Variants in MDGA2 observed in about 807,000 individuals in gnomAD.
MDGA2 encodes the protein MAM domain containing glycosylphosphatidylinositol anchor 2, also known as MAM domain-containing glycosylphosphatidylinositol anchor protein 2.
MDGA2 carries 40 observed loss-of-function variants against 117.8 expected under a neutral mutation model. The observed-to-expected ratio is 0.34, with a 90% CI of 0.26 to 0.44. MDGA2 has a LOEUF of 0.44. MDGA2 is among the 20% of genes least tolerant of loss of function. MDGA2 has a pLI of 1.00. For missense variants in MDGA2, 1,123 were observed against 1,250.6 expected, an observed-to-expected ratio of 0.90 and a Z score of 1.54; for synonymous variants, 452 against 439.0, an observed-to-expected ratio of 1.03 and a Z score of -0.37.
At chr14:46,932,227 C>T (rs961643916) in intron 9 of MDGA2, among the ~76,000 whole-genome samples, 2 of 151,518 alleles carry the variant, frequency 1.3e-5, no homozygotes, top group African/African-American at 4.9e-5. Flanking sequence ...AAAATTATGG[C>T]AACTTCAATT....
intron 10 of MDGA2, among the ~76,000 whole-genome samples, chr14:46,883,990 C>T (rs1882567824): frequency 6.6e-6 from 1 of 151,832 alleles, no homozygotes; most frequent in Non-Finnish European, 1.5e-5. Context: ...GGGCTTTTCT[C>T]CTTTTATTTG....
At chr14:47,218,761 C>CA (rs2139514278) in intron 2 of MDGA2, among the ~76,000 whole-genome samples, 1 of 152,186 alleles carries the variant, frequency 6.6e-6, no homozygotes, top group East Asian at 1.9e-4. Flanking sequence ...AATAAGCCCA[C>CA]AAATGATTTG....
chr14:47,566,347 G>T (rs1263732656), intron 1 of MDGA2, among the ~76,000 whole-genome samples: 1 of 152,164 alleles, frequency 6.6e-6, no homozygotes, highest in Non-Finnish European at 1.5e-5. Context: ...TCCCAGGAGA[G>T]GTCAGCAGAC....
In MDGA2 at chr14:47,112,243, G is replaced by T. The variant is rs535899339; in HGVS notation, c.926-15120C>A. Among the ~76,000 whole-genome samples the T allele has an allele frequency of 1.0e-3, 155 of 152,272 alleles. 1 individual carries two copies. Among genetic ancestry groups the T allele is most frequent in the African/African-American group, 3.5e-3 (144 of 41,570 alleles). On this transcript the variant is annotated intron_variant, in intron 5 of 16. Transcript: ENST00000399232. ...TTTTGCTTATGCTTTTTTAAAAAAT[G>T]TGTTATTTTATTTTAAGTTCTGGGA...
intron 1 of MDGA2, among the ~76,000 whole-genome samples, chr14:47,365,531 A>G (rs1168722708): frequency 1.3e-5 from 2 of 152,274 alleles, no homozygotes; most frequent in Non-Finnish European, 1.5e-5. Flanking sequence ...AAACCTAGGA[A>G]AGGCCTAGAC....
chr14:47,590,954 T>C (rs1021877990), intron 1 of MDGA2, among the ~76,000 whole-genome samples: 2 of 152,110 alleles, frequency 1.3e-5, no homozygotes, highest in African/African-American at 2.4e-5. Context: ...TTTTCTAAAT[T>C]TGATGACTAA....
At chr14:47,057,875 C>T (rs1400375132) in intron 7 of MDGA2, among the ~76,000 whole-genome samples, 1 of 152,060 alleles carries the variant, frequency 6.6e-6, no homozygotes, top group Admixed American at 6.6e-5. Context: ...CTGAGTCAGC[C>T]TCCCAGATTG....
intron 1 of MDGA2, among the ~76,000 whole-genome samples, chr14:47,336,054 G>T (rs373500212): frequency 3.3e-5 from 5 of 151,850 alleles, no homozygotes; most frequent in African/African-American, 9.6e-5. Flanking sequence ...GCCCTAGAAA[G>T]AATTCGATAA....
chr14:47,008,210 A>G (rs757608810), intron 8 of MDGA2, among the ~76,000 whole-genome samples: 30 of 152,004 alleles, frequency 2.0e-4, no homozygotes, highest in African/African-American at 6.7e-4. Flanking sequence ...AAAACGTTTC[A>G]GAGGTCCTCC....
intron 2 of MDGA2, among the ~76,000 whole-genome samples, chr14:47,293,284 A>G (rs1201279367): frequency 1.3e-5 from 2 of 152,206 alleles, no homozygotes; most frequent in Non-Finnish European, 2.9e-5. Flanking sequence ...ATAAGTCCTC[A>G]TGATGTTTAA....
chr14:47,375,327 T>C (rs1003996521), intron 1 of MDGA2, among the ~76,000 whole-genome samples: 1 of 152,014 alleles, frequency 6.6e-6, no homozygotes, highest in African/African-American at 2.4e-5. Context: ...GCCAGCTTTA[T>C]CTTCCTAAAA....
intron 2 of MDGA2, among the ~76,000 whole-genome samples, chr14:47,291,676 C>T (rs116247469): frequency 0.029 from 4,369 of 152,208 alleles, 149 homozygotes; most frequent in East Asian, 0.18. Flanking sequence ...AGCTGAAGCT[C>T]GCTGCCACTG....
intron 9 of MDGA2, among the ~76,000 whole-genome samples, chr14:46,940,446 T>A (rs1039738173): frequency 3.3e-5 from 5 of 151,892 alleles, no homozygotes; most frequent in African/African-American, 1.2e-4. Flanking sequence ...CTGGCCAACA[T>A]GGTGAAACCT....
At chr14:47,090,677 G>C (rs538250703) in intron 6 of MDGA2, among the ~76,000 whole-genome samples, 11 of 152,296 alleles carry the variant, frequency 7.2e-5, no homozygotes, top group Admixed American at 1.3e-4. Context: ...ATACAATAAT[G>C]ATACTGTAGT....
intron 8 of MDGA2, among the ~76,000 whole-genome samples, chr14:46,989,876 C>T (rs1370527189): frequency 6.6e-6 from 1 of 151,938 alleles, no homozygotes. Flanking sequence ...CTTCAACAGC[C>T]CATTTAGTTG....
chr14:47,012,018 G>C (rs78794323), intron 8 of MDGA2, among the ~76,000 whole-genome samples: 1,844 of 151,918 alleles, frequency 0.012, 22 homozygotes, highest in South Asian at 0.023. Flanking sequence ...TTAGCTTTTA[G>C]GCATTTACAT....
At chr14:47,286,824 T>TATATATATATATATAC (rs1491236673) in intron 2 of MDGA2, among the ~76,000 whole-genome samples, 2 of 104,254 alleles carry the variant, frequency 1.9e-5, no homozygotes, top group African/African-American at 6.7e-5. Context: ...TATATATATA[T>TATATATATATATATAC]ACATATATAT....
At chr14:47,242,986 T>G (rs1025423807) in intron 2 of MDGA2, among the ~76,000 whole-genome samples, 5 of 151,738 alleles carry the variant, frequency 3.3e-5, no homozygotes, top group Non-Finnish European at 7.4e-5. Flanking sequence ...TGTGTTTAGC[T>G]CAAGGTTTGT....
In MDGA2 at chr14:46,895,598, C is replaced by T. The variant is rs576472048; in HGVS notation, c.2239-13377G>A. On this transcript the variant is annotated intron_variant, in intron 10 of 16. Coordinates refer to ENST00000399232, the MANE Select transcript of MDGA2 (RefSeq NM_001113498.3). Reference sequence around the variant, plus strand: ...AAAATTAGCTGGGCGTGGTGGCGGGCGCCTGTAGTTCCAGCTACTCAGGAG... The same window carrying T: ...AAAATTAGCTGGGCGTGGTGGCGGGTGCCTGTAGTTCCAGCTACTCAGGAG... Among the ~76,000 whole-genome samples, 9 of 151,882 alleles carry T rather than the reference C, an allele frequency of 5.9e-5. No individual in the cohort carries two copies. The South Asian group carries it at 1.9e-3, about 32-fold the overall frequency.
Sources: gnomAD v4.1 joint callset for allele counts (sites outside exome capture counted in the v4.1 genomes callset) on GRCh38, gnomAD v4.1.1 for gene constraint, MANE v1.5 for transcripts, NCBI Gene and HGNC (gene_info 2026-07-23, HGNC 2026-07-21) for gene names.